The following SLC9A9 variants were observed in gnomAD, a reference collection of about 807,000 sequenced individuals.
SLC9A9 encodes solute carrier family 9 member A9.
A neutral mutation model predicts 77.8 loss-of-function variants in SLC9A9; 62 were observed. The observed-to-expected ratio is 0.80, with a 90% CI of 0.65 to 0.98. The LOEUF (loss-of-function observed/expected upper bound fraction) is 0.98, where lower values mean the gene tolerates loss of function less well. Ranked by LOEUF, SLC9A9 falls within the 50% of genes least tolerant of loss-of-function variation. SLC9A9 has a pLI of 0.00. For missense variants in SLC9A9, 775 were observed against 774.9 expected, an observed-to-expected ratio of 1.00 and a Z score of 0.00; for synonymous variants, 320 against 283.5, an observed-to-expected ratio of 1.13 and a Z score of -1.29.
At chr3:143,568,932 C>T (rs1421119902) in intron 8 of SLC9A9, among the ~76,000 whole-genome samples, 1 of 152,052 alleles carries the variant, frequency 6.6e-6, no homozygotes, top group Non-Finnish European at 1.5e-5. Context: ...TTTACTGTAG[C>T]ACCCCAAAAT....
chr3:143,531,032 T>C (rs1349043555), intron 9 of SLC9A9, among the ~76,000 whole-genome samples: 1 of 152,226 alleles, frequency 6.6e-6, no homozygotes, highest in Non-Finnish European at 1.5e-5. Context: ...AACATGCATA[T>C]AGTGCTCATT....
chr3:143,540,720 A>G, intron 9 of SLC9A9, among the ~76,000 whole-genome samples: 1 of 152,178 alleles, frequency 6.6e-6, no homozygotes, highest in South Asian at 2.1e-4. Flanking sequence ...GTGATGCACT[A>G]CTCTATTCTT....
At chr3:143,667,778 A>G (rs983643726) in intron 5 of SLC9A9, among the ~76,000 whole-genome samples, 6 of 152,232 alleles carry the variant, frequency 3.9e-5, no homozygotes, top group African/African-American at 1.4e-4. Context: ...CAAAACCACA[A>G]TGAGAGAACA....
intron 14 of SLC9A9, among the ~76,000 whole-genome samples, chr3:143,308,194 A>T (rs566300867): frequency 6.6e-6 from 1 of 152,182 alleles, no homozygotes; most frequent in Admixed American, 6.5e-5. Flanking sequence ...CTAGGCCTCT[A>T]TTGACACGTA....
At chr3:143,286,236 G>GTAT (rs1324939865) in intron 14 of SLC9A9, among the ~76,000 whole-genome samples, 1 of 152,152 alleles carries the variant, frequency 6.6e-6, no homozygotes, top group Non-Finnish European at 1.5e-5. Flanking sequence ...TCGAAGGAGG[G>GTAT]TATATGTGTG....
At chr3:143,548,647 T>C (rs2036829230) in intron 9 of SLC9A9, among the ~76,000 whole-genome samples, 1 of 152,244 alleles carries the variant, frequency 6.6e-6, no homozygotes, top group Non-Finnish European at 1.5e-5. Context: ...AACAGCATCA[T>C]AGTGCCTCTG....
intron 12 of SLC9A9, among the ~76,000 whole-genome samples, chr3:143,405,808 G>A (rs1386779512): frequency 1.3e-5 from 2 of 152,098 alleles, no homozygotes; most frequent in East Asian, 3.8e-4. Context: ...CAGCAGTGGA[G>A]GGAGAACAGC....
At chr3:143,822,420 G>A (rs1259228259) in intron 2 of SLC9A9, among the ~76,000 whole-genome samples, 1 of 152,150 alleles carries the variant, frequency 6.6e-6, no homozygotes, top group Admixed American at 6.5e-5. Flanking sequence ...ATAAATCAGA[G>A]CCCACTTAGT....
chr3:143,606,436 C>CTCTCTCTATATATATATA (rs1419410834), intron 6 of SLC9A9, among the ~76,000 whole-genome samples: 52 of 54,204 alleles, frequency 9.6e-4, no homozygotes, highest in African/African-American at 2.3e-3. Flanking sequence ...CTCTCTCTCT[C>CTCTCTCTATATATATATA]TATATATATA....
rs1422909911 is a variant in SLC9A9 at position 143,652,273 on chromosome 3, A to G, written c.737T>C (p.Val246Ala). 6.2e-7 allele frequency: 1 copy of G among 1,612,946 alleles called. No individual in the cohort carries two copies. Among genetic ancestry groups the G allele is most frequent in the Non-Finnish European group, 8.5e-7 (1 of 1,179,510 alleles). Residue 246 changes from valine to alanine, a missense_variant, in exon 6 of 16, where the codon GTG becomes GCG. Physicochemically the swap from Val to Ala is moderately conservative, Grantham distance 64. Coordinates refer to ENST00000316549, the MANE Select transcript of SLC9A9 (RefSeq NM_173653.4). ...TACTTACTATGTAAGGACTATGGCC[A>G]CTGCATCATTCAACACACTCTCTCC... The part of the protein sequence containing the change: ...LFGESVLNDA[V>A]AIVLTYSISI...
chr3:143,522,799 A>G (rs759393068), intron 9 of SLC9A9, among the ~76,000 whole-genome samples: 1 of 152,206 alleles, frequency 6.6e-6, no homozygotes, highest in Non-Finnish European at 1.5e-5. Context: ...TCAGTACACT[A>G]GAAAACTCTA....
intron 6 of SLC9A9, among the ~76,000 whole-genome samples, chr3:143,610,980 C>T (rs576114892): frequency 6.7e-5 from 10 of 149,632 alleles, no homozygotes; most frequent in South Asian, 2.1e-4. Context: ...TCAAAAGGAC[C>T]GAAAAAAAAA....
chr3:143,500,965 T>C (rs2035913484), intron 9 of SLC9A9, among the ~76,000 whole-genome samples: 1 of 150,454 alleles, frequency 6.6e-6, no homozygotes, highest in Non-Finnish European at 1.5e-5. Flanking sequence ...GTTGACTACT[T>C]GGGGTAAAAA....
chr3:143,580,200 G>A (rs1319236614), intron 6 of SLC9A9, among the ~76,000 whole-genome samples: 1 of 152,168 alleles, frequency 6.6e-6, no homozygotes, highest in Non-Finnish European at 1.5e-5. Context: ...GGTGCCCAAG[G>A]CTGTGATGCT....
chr3:143,823,460 C>T (rs532511199), intron 2 of SLC9A9, among the ~76,000 whole-genome samples: 1 of 152,136 alleles, frequency 6.6e-6, no homozygotes, highest in East Asian at 1.9e-4. Flanking sequence ...GTCAGGCCAA[C>T]AGCCCATGCA....
intron 12 of SLC9A9, among the ~76,000 whole-genome samples, chr3:143,396,436 C>A (rs1197622720): frequency 1.3e-5 from 2 of 151,906 alleles, no homozygotes; most frequent in Non-Finnish European, 2.9e-5. Context: ...TCACACACAG[C>A]CTGTTGTGGG....
intron 4 of SLC9A9, among the ~76,000 whole-genome samples, chr3:143,714,460 G>A (rs566028097): frequency 2.0e-5 from 3 of 152,168 alleles, no homozygotes; most frequent in East Asian, 1.9e-4. Context: ...AGGCATTATC[G>A]AGTCCAGTCT....
At chr3:143,599,627 G>A (rs568849206) in intron 6 of SLC9A9, among the ~76,000 whole-genome samples, 3 of 152,210 alleles carry the variant, frequency 2.0e-5, no homozygotes, top group East Asian at 3.9e-4. Flanking sequence ...CTATTGAGAT[G>A]CAAATGGCGC....
intron 4 of SLC9A9, among the ~76,000 whole-genome samples, chr3:143,709,293 G>A (rs374198361): frequency 6.6e-6 from 1 of 152,170 alleles, no homozygotes; most frequent in South Asian, 2.1e-4. Context: ...CCAGGCATCA[G>A]TATTTTAAAA....
Sources: allele counts gnomAD v4.1 joint callset (sites outside exome capture counted in the v4.1 genomes callset), GRCh38; gene constraint gnomAD v4.1.1; transcripts MANE v1.5; gene names NCBI Gene and HGNC (gene_info 2026-07-23, HGNC 2026-07-21).